MCUB: variants seen among roughly 807,000 people sequenced by gnomAD.
The protein encoded by MCUB is calcium uniporter regulatory subunit MCUb, mitochondrial.
Under a neutral mutation model 41.4 loss-of-function variants are expected in MCUB, and 46 were observed. That is an observed-to-expected ratio of 1.11 (90% CI 0.88 to 1.42). The LOEUF (loss-of-function observed/expected upper bound fraction) is 1.42. MCUB is among the 40% of genes most tolerant of loss of function. MCUB has a pLI of 0.00. For synonymous variants in MCUB, 148 were observed against 148.2 expected (o/e 1.00, Z 0.01); for missense variants, 403 against 404.9 (o/e 1.00, Z 0.04).
chr4:109,638,223 G>A (rs1414998057), intron 1 of MCUB, among the ~76,000 whole-genome samples: 3 of 152,146 alleles, frequency 2.0e-5, no homozygotes, highest in Non-Finnish European at 4.4e-5. Flanking sequence ...TGGACATGGT[G>A]GCGCATGCCT....
intron 1 of MCUB, among the ~76,000 whole-genome samples, chr4:109,656,354 CTTTTTT>C (rs752851425): frequency 4.7e-4 from 29 of 62,100 alleles, no homozygotes; most frequent in African/African-American, 1.4e-3. Flanking sequence ...TTACTCTCTA[CTTTTTT>C]TTTTTTTTTT....
intron 5 of MCUB, 199 bp downstream of exon 5, chr4:109,682,941 A>G: frequency 4.0e-6 from 2 of 494,102 alleles, no homozygotes; most frequent in Non-Finnish European, 7.2e-6. Flanking sequence ...TATCGCTAAT[A>G]CATGGTAGAG....
chr4:109,590,957 A>G (rs1442016503), intron 1 of MCUB, among the ~76,000 whole-genome samples: 1 of 152,170 alleles, frequency 6.6e-6, no homozygotes, highest in East Asian at 1.9e-4. Context: ...CACATTTGCA[A>G]TTAGTTTCTC....
chr4:109,684,718 A>G, intron 6 of MCUB, 72 bp downstream of exon 6: 5 of 740,802 alleles, frequency 6.7e-6, no homozygotes, highest in Non-Finnish European at 1.1e-5. Flanking sequence ...GCAATGAGCA[A>G]AAAAGCCTTT....
At position 109,597,356 on chromosome 4, in the gene MCUB, G is replaced by C. The variant is rs1240194160; in HGVS notation, c.99+36920G>C. Among the ~76,000 whole-genome samples, 5 of 148,862 alleles carry C rather than the reference G, an allele frequency of 3.4e-5. No individual in the cohort carries two copies. The South Asian group carries it at 8.6e-4, about 26-fold the overall frequency. ...TCCCAGACGGGGCGGCTGGCCGGGCGGGGGGCTGACCCCCCCACCTCCCTC... is the reference window on the plus strand; with the variant it reads ...TCCCAGACGGGGCGGCTGGCCGGGCCGGGGGCTGACCCCCCCACCTCCCTC... On this transcript the variant is annotated intron_variant, in intron 1 of 7. Transcript: ENST00000394650.
At chr4:109,657,945 A>G (rs1176758826) in intron 1 of MCUB, among the ~76,000 whole-genome samples, 2 of 152,192 alleles carry the variant, frequency 1.3e-5, no homozygotes, top group Non-Finnish European at 2.9e-5. Context: ...AGCCCTTGAA[A>G]TGTGGCAAAG....
chr4:109,687,452 A>G, intron 7 of MCUB, 63 bp from the exon 8 acceptor site: 1 of 1,123,244 alleles, frequency 8.9e-7, no homozygotes, highest in Admixed American at 1.8e-5. Context: ...ATTCCTCTCA[A>G]GCAGTAATGT....
At chr4:109,672,667 A>G (rs1396128926) in intron 4 of MCUB, among the ~76,000 whole-genome samples, 1 of 152,202 alleles carries the variant, frequency 6.6e-6, no homozygotes, top group Non-Finnish European at 1.5e-5. Flanking sequence ...GAAAATCATC[A>G]CTTTGCAGCC....
At position 109,563,381 on chromosome 4, in the gene MCUB, AC is replaced by A. The variant is rs200233726; in HGVS notation, c.99+2946del. ...GTTTAAATTCCACCACAAGATGTCAACTTAGAAATTGTTTTCATCTTTTTAA... is the reference window on the plus strand; with the variant it reads ...GTTTAAATTCCACCACAAGATGTCAATTAGAAATTGTTTTCATCTTTTTAA... On this transcript the variant is annotated intron_variant, in intron 1 of 7. Coordinates refer to ENST00000394650, the MANE Select transcript of MCUB (RefSeq NM_017918.5). Among the ~76,000 whole-genome samples, 1,516 of 152,310 alleles carry A rather than the reference AC, an allele frequency of 1.0e-2. 20 individuals carry two copies. Among genetic ancestry groups the A allele is most frequent in the Non-Finnish European group, 0.018 (1,202 of 68,036 alleles).
intron 1 of MCUB, among the ~76,000 whole-genome samples, chr4:109,641,427 T>G (rs1728714009): frequency 6.6e-6 from 1 of 152,084 alleles, no homozygotes; most frequent in Non-Finnish European, 1.5e-5. Flanking sequence ...ATTAATTAAT[T>G]AAGTTCCCCA....
intron 1 of MCUB, among the ~76,000 whole-genome samples, chr4:109,593,234 C>T (rs571025796): frequency 2.0e-5 from 3 of 152,194 alleles, no homozygotes; most frequent in East Asian, 1.9e-4. Flanking sequence ...TACCTTTTTA[C>T]GTAATTTAAA....
At chr4:109,581,195 T>A (rs1408563724) in intron 1 of MCUB, among the ~76,000 whole-genome samples, 1 of 152,082 alleles carries the variant, frequency 6.6e-6, no homozygotes, top group African/African-American at 2.4e-5. Context: ...TATAGACCAA[T>A]GGAACAGAAC....
intron 1 of MCUB, among the ~76,000 whole-genome samples, chr4:109,645,284 T>C (rs773889170): frequency 2.5e-4 from 38 of 152,074 alleles, no homozygotes; most frequent in Non-Finnish European, 5.4e-4. Flanking sequence ...CACTAAGGCC[T>C]ACTGGTTGTA....
At chr4:109,648,160 T>A (rs570291837) in intron 1 of MCUB, among the ~76,000 whole-genome samples, 3 of 152,322 alleles carry the variant, frequency 2.0e-5, no homozygotes, top group Admixed American at 6.5e-5. Context: ...TAACATCTTT[T>A]CTCTGGGTTG....
At chr4:109,638,633 A>G (rs1207110336) in intron 1 of MCUB, among the ~76,000 whole-genome samples, 9 of 152,148 alleles carry the variant, frequency 5.9e-5, no homozygotes, top group Non-Finnish European at 1.3e-4. Flanking sequence ...TCCACCAACT[A>G]TTCCTTTTAT....
intron 1 of MCUB, among the ~76,000 whole-genome samples, chr4:109,582,127 C>T (rs533294668): frequency 1.3e-5 from 2 of 150,584 alleles, no homozygotes; most frequent in South Asian, 2.1e-4. Flanking sequence ...GGAACCAACC[C>T]AAATGTCCAT....
At chr4:109,569,881 A>G (rs1418849996) in intron 1 of MCUB, among the ~76,000 whole-genome samples, 1 of 152,184 alleles carries the variant, frequency 6.6e-6, no homozygotes, top group East Asian at 1.9e-4. Context: ...GTTTCTAAAT[A>G]GATTGAGACA....
chr4:109,634,134 A>C lies in MCUB; in HGVS notation c.100-24877A>C, dbSNP rs1390441998. ...TAGTCCATAAGTTTAATGAGTGATC[A>C]TGCCATGCAGTTAGAATCCAGACAA... On this transcript the variant is annotated intron_variant, in intron 1 of 7. Coordinates refer to ENST00000394650, the MANE Select transcript of MCUB (RefSeq NM_017918.5). 8.7e-4 allele frequency among the ~76,000 whole-genome samples: 132 copies of C among 152,192 alleles called. 1 individual carries two copies. The highest frequency in any genetic ancestry group is 4.4e-5 in the Non-Finnish European group (3 of 68,040).
At chr4:109,579,656 A>G (rs936679786) in intron 1 of MCUB, among the ~76,000 whole-genome samples, 1 of 152,146 alleles carries the variant, frequency 6.6e-6, no homozygotes, top group African/African-American at 2.4e-5. Flanking sequence ...ATGACCATGA[A>G]TGTATCGAGG....
Sources: gnomAD v4.1 joint callset for allele counts (sites outside exome capture counted in the v4.1 genomes callset) on GRCh38, gnomAD v4.1.1 for gene constraint, MANE v1.5 for transcripts, NCBI Gene and HGNC (gene_info 2026-07-23, HGNC 2026-07-21) for gene names.